KARS1: variants seen among roughly 807,000 people sequenced by gnomAD.
KARS1 encodes lysyl-tRNA synthetase 1.
In KARS1, 50 loss-of-function variants were observed where a neutral mutation model predicts 63.9. The observed-to-expected ratio is 0.78, with a 90% CI of 0.62 to 0.99. The LOEUF (loss-of-function observed/expected upper bound fraction) is 0.99, where lower values mean the gene tolerates loss of function less well. Ranked by LOEUF, KARS1 falls within the 50% of genes least tolerant of loss-of-function variation. The probability of loss-of-function intolerance (pLI) is 0.00; values close to 1 mark genes in which losing one functional copy is unlikely to be tolerated. For missense variants in KARS1, 816 were observed against 754.5 expected (o/e 1.08, Z -0.95); for synonymous variants, 320 against 264.6 (o/e 1.21, Z -2.03).
At chr16:75,634,792 G>C (rs1194002303) in intron 6 of KARS1, among the ~76,000 whole-genome samples, 1 of 152,140 alleles carries the variant, frequency 6.6e-6, no homozygotes, top group African/African-American at 2.4e-5. Flanking sequence ...AGCCAGGATG[G>C]TCTCGATCTC....
At chr16:75,630,319 C>T (rs765935263) in intron 11 of KARS1, 104 bp downstream of exon 11, 15 of 761,148 alleles carry the variant, frequency 2.0e-5, no homozygotes, top group Non-Finnish European at 3.2e-5. Flanking sequence ...GTCAACACCA[C>T]CCAGCAGAAA....
At chr16:75,633,122 A>G (rs144968006) in intron 7 of KARS1, among the ~76,000 whole-genome samples, 1 of 152,160 alleles carries the variant, frequency 6.6e-6, no homozygotes, top group African/African-American at 2.4e-5. Flanking sequence ...TACGATGTTA[A>G]TTATCCACAA....
chr16:75,645,843 CAAAAA>C (rs11363202), intron 1 of KARS1, among the ~76,000 whole-genome samples: 1,441 of 82,034 alleles, frequency 0.018, 28 homozygotes, highest in African/African-American at 0.05. Flanking sequence ...ACTCTGCCTC[CAAAAA>C]AAAAAAAAAA....
chr16:75,636,867 T>G (rs1338742724), intron 3 of KARS1, among the ~76,000 whole-genome samples: 1 of 151,650 alleles, frequency 6.6e-6, no homozygotes, highest in African/African-American at 2.4e-5. Context: ...CTTGAACTCC[T>G]GGGCTGAAGT....
intron 1 of KARS1, chr16:75,642,713 G>C (rs1035488610): frequency 6.6e-6 from 1 of 152,214 alleles, no homozygotes; most frequent in African/African-American, 2.4e-5. Context: ...CAACAAAATA[G>C]AACGGTGTGC....
At chr16:75,636,630 C>CA in intron 3 of KARS1, 83 bp from the exon 4 acceptor site, 1 of 881,160 alleles carries the variant, frequency 1.1e-6, no homozygotes, top group South Asian at 1.4e-5. Context: ...ACTCCCTCTG[C>CA]ATTTTTTTTT....
At chr16:75,644,271 A>C in intron 1 of KARS1, 1 of 1,589,616 alleles carries the variant, frequency 6.3e-7, no homozygotes, top group Non-Finnish European at 8.6e-7. Context: ...AAAGAAGGTA[A>C]TGGGCACCAA....
Position 75,630,460 on chromosome 16 carries a change from A to C in KARS1, c.1387T>G (p.Cys463Gly), listed in dbSNP as rs185867137. 2 of 1,612,110 alleles carry C rather than the reference A, an allele frequency of 1.2e-6. No individual in the cohort carries two copies. The highest frequency in any genetic ancestry group is 2.7e-5 in the African/African-American group (2 of 75,026). The change falls in exon 11 of 14, where the codon TGT (cysteine) becomes GGT (glycine). Residue 463 changes from cysteine (C) to glycine (G), a missense_variant. Coordinates refer to ENST00000302445, the MANE Select transcript of KARS1 (RefSeq NM_005548.3). ...GGGCTCATTATCTGTGGGTGATCAC[A>C]GATGAATGTAGGATTGATGCAAGTC... ...EVTCINPTFICDHPQIMSPLA... is the reference protein window; with the variant it reads ...EVTCINPTFIGDHPQIMSPLA...
rs1442884352 is a variant in KARS1 at position 75,634,125 on chromosome 16, C to T, written c.915+48G>A. On this transcript the variant is annotated intron_variant, in intron 7 of 13. Coordinates refer to ENST00000302445, the MANE Select transcript of KARS1 (RefSeq NM_005548.3). Reference sequence around the variant, plus strand: ...CTATACCCATCTAGCCAGTGGTATTCCAGCTTTCTGCTTCTTTAAGGGAAA... The same window carrying T: ...CTATACCCATCTAGCCAGTGGTATTTCAGCTTTCTGCTTCTTTAAGGGAAA... 1.9e-6 allele frequency: 3 copies of T among 1,602,540 alleles called. No individual in the cohort carries two copies. In the African/African-American group the frequency reaches 4.0e-5, roughly 21 times the overall value.
At position 75,641,581 on chromosome 16, in the gene KARS1, C is replaced by G; in HGVS notation, c.205G>C (p.Glu69Gln). 6.2e-7 allele frequency: 1 copy of G among 1,613,864 alleles called. No homozygotes were observed. Among genetic ancestry groups the G allele is most frequent in the South Asian group, 1.1e-5 (1 of 91,066 alleles). ...TTDNGVGPEE[E>Q]SVDPNQYYKI... ...GAACTCACATTTGGGTCCACGCTCT[C>G]TTCCTCAGGACCCACACCATTATCA... is the stretch of plus-strand genomic sequence containing the variant. Residue 69 changes from glutamate to glutamine, a missense_variant, in exon 2 of 14, where the codon GAG becomes CAG. Glu to Gln is a conservative substitution (Grantham distance 29). Coordinates refer to ENST00000302445, the MANE Select transcript of KARS1 (RefSeq NM_005548.3).
At chr16:75,635,643 A>G in intron 6 of KARS1, 37 bp downstream of exon 6, 2 of 1,612,060 alleles carry the variant, frequency 1.2e-6, no homozygotes, top group Non-Finnish European at 1.7e-6. Context: ...AAGCATTGCA[A>G]GGCAGCTCAT....
Position 75,629,472 on chromosome 16 carries a change from C to T in KARS1, c.1494G>A (p.Ala498=), listed in dbSNP as rs374568114. The T allele has an allele frequency of 4.0e-5, 65 of 1,614,016 alleles. No individual in the cohort carries two copies. Among genetic ancestry groups the T allele is most frequent in the East Asian group, 1.6e-4 (7 of 44,900 alleles). The change falls in exon 12 of 14, where the codon GCG becomes GCA. Residue 498 remains alanine, a synonymous_variant. Coordinates refer to ENST00000302445, the MANE Select transcript of KARS1 (RefSeq NM_005548.3). The part of the protein sequence containing the change: ...LFVMKKEICN[A]YTELNDPMRQ... ...GCATGGGATCATTCAGCTCAGTATACGCATTGCATATCTCTTTCTTCATGA... is the reference window on the plus strand; with the variant it reads ...GCATGGGATCATTCAGCTCAGTATATGCATTGCATATCTCTTTCTTCATGA...
chr16:75,629,136 A>G (rs2082082419), intron 12 of KARS1: 2 of 490,248 alleles, frequency 4.1e-6, no homozygotes, highest in Non-Finnish European at 7.4e-6. Flanking sequence ...ACCTTAATAC[A>G]TGTACAATCT....
intron 11 of KARS1, 67 bp from the exon 12 acceptor site, chr16:75,629,608 CTT>C: frequency 6.4e-7 from 1 of 1,560,122 alleles, no homozygotes; most frequent in Non-Finnish European, 8.8e-7. Context: ...TTTGTTTTTT[CTT>C]TTTTTTTGAG....
intron 3 of KARS1, chr16:75,639,659 C>G (rs897254825): frequency 6.6e-6 from 1 of 150,642 alleles, no homozygotes; most frequent in Non-Finnish European, 1.5e-5. Context: ...GCCAGAAATT[C>G]TCTCTGGGTG....
rs1279282822 is a variant in KARS1, at chr16:75,641,649, T to C, written c.137A>G (p.Lys46Arg). The C allele has an allele frequency of 6.2e-7, 1 of 1,613,930 alleles. No homozygotes were observed. The highest frequency in any genetic ancestry group is 2.2e-5 in the East Asian group (1 of 44,902). ...KEAKQKELSE[K>R]QLSQATAAAT... ...AGCAGCAGTGGCTTGGCTTAGCTGTTTCTCACTGAGCTCTTTCTGTTTGGC... is the reference window on the plus strand; with the variant it reads ...AGCAGCAGTGGCTTGGCTTAGCTGTCTCTCACTGAGCTCTTTCTGTTTGGC... The change falls in exon 2 of 14, where the codon AAA becomes AGA. Residue 46 changes from lysine to arginine, a missense_variant. Lys to Arg is a conservative substitution (Grantham distance 26). Transcript: ENST00000302445.
rs1443246265 is a variant in KARS1, at chr16:75,631,978, C to T, written c.916-123G>A. The T allele has an allele frequency of 3.4e-6, 4 of 1,163,990 alleles. No homozygotes were observed. The African/African-American group carries it at 6.0e-5, about 18-fold the overall frequency. 72.1% of individuals were successfully genotyped at this position (1,163,990 alleles called of 1,614,324 possible). A position where few individuals can be genotyped will look rare whatever the true frequency, so the allele number is the denominator to read the frequency against. On this transcript the variant is annotated intron_variant, in intron 7 of 13. Coordinates refer to ENST00000302445, the MANE Select transcript of KARS1 (RefSeq NM_005548.3). ...TCTCAGCTCACCGCAACCTCCGCCTCCTAGGTTCAAGCAATTCTCCTGCCC... is the reference window on the plus strand; with the variant it reads ...TCTCAGCTCACCGCAACCTCCGCCTTCTAGGTTCAAGCAATTCTCCTGCCC...
chr16:75,646,766 T>G (rs989477481), intron 1 of KARS1, among the ~76,000 whole-genome samples: 1 of 151,328 alleles, frequency 6.6e-6, no homozygotes, highest in Non-Finnish European at 1.5e-5. Context: ...CCTGCCTCAG[T>G]CTCCCGAGTA....
intron 7 of KARS1, 28 bp downstream of exon 7, chr16:75,634,145 G>C (rs1455520121): frequency 6.2e-7 from 1 of 1,611,372 alleles, no homozygotes; most frequent in Admixed American, 1.7e-5. Context: ...GCTTCTTTAA[G>C]GGAAAAGGGT....
Sources: allele counts gnomAD v4.1 joint callset (sites outside exome capture counted in the v4.1 genomes callset), GRCh38; gene constraint gnomAD v4.1.1; transcripts MANE v1.5; gene names NCBI Gene and HGNC (gene_info 2026-07-23, HGNC 2026-07-21).